The following ADGRV1 variants were observed in gnomAD, a reference collection of about 807,000 sequenced individuals.
ADGRV1 encodes the protein adhesion G protein-coupled receptor V1.
ADGRV1 carries 359 observed loss-of-function variants against 596.2 expected under a neutral mutation model. That is an observed-to-expected ratio of 0.60 (90% confidence interval 0.55 to 0.66). ADGRV1 has a LOEUF of 0.66. Ranked by LOEUF, ADGRV1 falls within the 30% of genes least tolerant of loss-of-function variation. The pLI, the probability that ADGRV1 is intolerant of heterozygous loss-of-function variation, is 0.00. For missense variants in ADGRV1, 7,274 were observed against 7,575.6 expected (o/e 0.96, Z 1.48); for synonymous variants, 2,681 against 2,679.2 (o/e 1.00, Z -0.02).
intron 10 of ADGRV1, among the ~76,000 whole-genome samples, chr5:90,635,742 C>T (rs1436344603): frequency 6.6e-6 from 1 of 152,018 alleles, no homozygotes; most frequent in African/African-American, 2.4e-5. Flanking sequence ...AGGTCTGTGC[C>T]ACCACTCCTG....
intron 83 of ADGRV1, among the ~76,000 whole-genome samples, chr5:90,894,247 G>A (rs1771090436): frequency 6.6e-6 from 1 of 152,048 alleles, no homozygotes; most frequent in Non-Finnish European, 1.5e-5. Context: ...TTTGGCAAAG[G>A]TTTTCATCAT....
chr5:90,757,179 A>G lies in ADGRV1; in HGVS notation c.11940+18A>G, dbSNP rs371906949. 7.1e-5 allele frequency: 114 copies of G among 1,609,352 alleles called. No homozygotes were observed. The highest frequency in any genetic ancestry group is 9.4e-5 in the Non-Finnish European group (110 of 1,176,170). ...ATAAACAGGTATGCCAGTCATTAAC[A>G]TATTAGCCTTTTTGAGTTGTGCTTC... On this transcript the variant is annotated intron_variant, in intron 57 of 89. Coordinates refer to ENST00000405460, the MANE Select transcript of ADGRV1 (RefSeq NM_032119.4).
intron 1 of ADGRV1, among the ~76,000 whole-genome samples, chr5:90,595,023 G>T (rs1278202821): frequency 1.4e-5 from 2 of 145,854 alleles, no homozygotes; most frequent in African/African-American, 2.6e-5. Flanking sequence ...CGGGGTGGTG[G>T]CCGGGCAGAG....
Position 91,031,172 on chromosome 5 carries a change from A to G in ADGRV1, c.18153-41275A>G, listed in dbSNP as rs1562115089. 16 of 1,462,978 alleles carry G rather than the reference A, an allele frequency of 1.1e-5. No individual in the cohort carries two copies. In the South Asian group the frequency reaches 1.7e-4, roughly 16 times the overall value. The allele number at this position is 1,462,978 out of a possible 1,614,324, so 90.6% of individuals were successfully genotyped here. A position where few individuals can be genotyped will look rare whatever the true frequency, so the allele number is the denominator to read the frequency against. On this transcript the variant is annotated intron_variant, in intron 85 of 89. Coordinates refer to ENST00000405460, the MANE Select transcript of ADGRV1 (RefSeq NM_032119.4). ...GGTATTAGAAAAATAATTGTCCACA[A>G]CCAAAAAGGCAAGAAGAGTAATCGA...
chr5:90,725,415 CTTAG>C, intron 47 of ADGRV1, 130 bp from the exon 48 acceptor site: 1 of 688,430 alleles, frequency 1.5e-6, no homozygotes, highest in Non-Finnish European at 2.4e-6. Flanking sequence ...TAAAATGACA[CTTAG>C]TTATGTGTAG....
At chr5:91,133,082 A>G (rs12697806) in intron 87 of ADGRV1, among the ~76,000 whole-genome samples, 151,637 of 152,342 alleles carry the variant, frequency 1, 75,514 homozygotes, top group Non-Finnish European at 1. Context: ...ATTTTTGTCC[A>G]AGTGAAGGTG....
At position 90,745,741 on chromosome 5, in the gene ADGRV1, A is replaced by G; in HGVS notation, c.10920A>G (p.Val3640=). 2 of 1,612,346 alleles carry G rather than the reference A, an allele frequency of 1.2e-6. No homozygotes were observed. Among genetic ancestry groups the G allele is most frequent in the South Asian group, 1.1e-5 (1 of 91,048 alleles). ...CAGAGATTGGCATTAATGATTCTGT[A>G]ACAATAACCATTCTGTCTAATGATG... ...GGAEIGINDS[V]TITILSNDDA... is the part of the protein sequence containing the mutation. Residue 3640 remains valine (V), a synonymous_variant, in exon 52 of 90, where the codon GTA becomes GTG. Transcript: ENST00000405460.
intron 78 of ADGRV1, among the ~76,000 whole-genome samples, chr5:90,844,264 T>C (rs989175846): frequency 7.2e-5 from 11 of 152,230 alleles, no homozygotes; most frequent in African/African-American, 2.7e-4. Context: ...ATATTTTAAG[T>C]GAAATTGTTT....
chr5:90,617,723 C>T, intron 2 of ADGRV1, 81 bp from the exon 3 acceptor site: 2 of 1,164,942 alleles, frequency 1.7e-6, no homozygotes, highest in Non-Finnish European at 2.4e-6. Flanking sequence ...TGCTTTTTCT[C>T]TTGATTGCTG....
At chr5:90,649,249 G>A (rs373881615) in intron 17 of ADGRV1, among the ~76,000 whole-genome samples, 3 of 152,042 alleles carry the variant, frequency 2.0e-5, no homozygotes, top group East Asian at 1.9e-4. Context: ...TGATCTACCC[G>A]CCTCAGCCTC....
intron 86 of ADGRV1, among the ~76,000 whole-genome samples, chr5:91,083,572 A>C (rs1279770729): frequency 2.0e-5 from 3 of 152,162 alleles, no homozygotes; most frequent in Non-Finnish European, 4.4e-5. Flanking sequence ...TGAAGTGTGA[A>C]TATCACTGGG....
In ADGRV1 at chr5:90,810,690, G is replaced by GT. The variant is rs1762358910; in HGVS notation, c.15431dup (p.Ala5145SerfsTer3). On this transcript the variant is annotated frameshift_variant, in exon 74 of 90. Transcript: ENST00000405460. LOFTEE classifies it high-confidence loss of function. Reference sequence around the variant, plus strand: ...TTCCTTCCCCGAGACAACTGTGGCTGTAGCAGTTGACACAACTCTCATTCC... The same window carrying GT: ...TTCCTTCCCCGAGACAACTGTGGCTGTTAGCAGTTGACACAACTCTCATTCC... 2 of 1,613,942 alleles carry GT rather than the reference G, an allele frequency of 1.2e-6. No individual in the cohort carries two copies. Among genetic ancestry groups the GT allele is most frequent in the Non-Finnish European group, 1.7e-6 (2 of 1,179,882 alleles).
chr5:91,151,169 C>T (rs1390147774), intron 88 of ADGRV1, among the ~76,000 whole-genome samples: 1 of 152,098 alleles, frequency 6.6e-6, no homozygotes, highest in African/African-American at 2.4e-5. Context: ...ATAGATAAAT[C>T]AATAGACTGA....
At chr5:90,716,918 G>T in intron 43 of ADGRV1, 189 bp downstream of exon 43, 2 of 431,882 alleles carry the variant, frequency 4.6e-6, no homozygotes, top group Non-Finnish European at 4.1e-6. Context: ...AAGCGCAACT[G>T]GAAAAATTTA....
chr5:90,925,311 C>T (rs1025995932), intron 83 of ADGRV1, among the ~76,000 whole-genome samples: 4 of 150,336 alleles, frequency 2.7e-5, no homozygotes, highest in Admixed American at 2.0e-4. Context: ...TTTCCTTGAG[C>T]AGTGGTTTGT....
At chr5:90,885,315 A>T (rs1770173787) in intron 83 of ADGRV1, among the ~76,000 whole-genome samples, 1 of 152,184 alleles carries the variant, frequency 6.6e-6, no homozygotes, top group African/African-American at 2.4e-5. Flanking sequence ...TCTTGTTCCC[A>T]GGTGATTAAC....
At chr5:90,768,806 G>T (rs888002814) in intron 59 of ADGRV1, among the ~76,000 whole-genome samples, 1 of 152,172 alleles carries the variant, frequency 6.6e-6, no homozygotes, top group Non-Finnish European at 1.5e-5. Flanking sequence ...CTTCCTTGGG[G>T]AGAAAATTAT....
chr5:90,761,073 T>G (rs918585373), intron 58 of ADGRV1, among the ~76,000 whole-genome samples: 2 of 152,240 alleles, frequency 1.3e-5, no homozygotes, highest in Non-Finnish European at 2.9e-5. Context: ...GTAATTCACA[T>G]AGATCACTTT....
At chr5:90,766,388 A>G (rs1313513880) in intron 59 of ADGRV1, among the ~76,000 whole-genome samples, 3 of 152,146 alleles carry the variant, frequency 2.0e-5, no homozygotes, top group African/African-American at 7.2e-5. Context: ...AAGTCTAGTC[A>G]GTTTTCCCTT....
Sources: gnomAD v4.1 joint callset for allele counts (sites outside exome capture counted in the v4.1 genomes callset) on GRCh38, gnomAD v4.1.1 for gene constraint, MANE v1.5 for transcripts, NCBI Gene and HGNC (gene_info 2026-07-23, HGNC 2026-07-21) for gene names.